The following SPEF2 variants were observed in gnomAD, a reference collection of about 807,000 sequenced individuals.
SPEF2 encodes the protein sperm flagellar and cilia associated 2, also known as sperm flagella and cilia-associated protein 2.
In SPEF2, 187 loss-of-function variants were observed where a neutral mutation model predicts 224.6. That is an observed-to-expected ratio of 0.83 (90% CI 0.74 to 0.94). The LOEUF (loss-of-function observed/expected upper bound fraction) is 0.94, where lower values mean the gene tolerates loss of function less well. Among genes scored for constraint, SPEF2 ranks in the 40% least tolerant of loss-of-function variants. The probability of loss-of-function intolerance (pLI) is 0.00; values close to 1 mark genes in which losing one functional copy is unlikely to be tolerated. For missense variants in SPEF2, 2,170 were observed against 2,135.6 expected (o/e 1.02, Z -0.32); for synonymous variants, 715 against 707.3 (o/e 1.01, Z -0.17).
chr5:35,711,584 T>TCCCTCC (rs1234657171), intron 19 of SPEF2, among the ~76,000 whole-genome samples: 2 of 138,596 alleles, frequency 1.4e-5, no homozygotes, highest in Non-Finnish European at 3.1e-5. Flanking sequence ...TCCCTCCCTC[T>TCCCTCC]CTCCCTTCTT....
At chr5:35,655,225 C>A (rs1189280817) in intron 7 of SPEF2, among the ~76,000 whole-genome samples, 6 of 152,164 alleles carry the variant, frequency 3.9e-5, no homozygotes, top group Non-Finnish European at 2.9e-5. Flanking sequence ...TATTGGGCCC[C>A]ACCCCAGACC....
intron 30 of SPEF2, chr5:35,790,981 T>G (rs1489703907): frequency 6.6e-6 from 1 of 152,214 alleles, no homozygotes; most frequent in Admixed American, 6.5e-5. Flanking sequence ...TTATAACACT[T>G]TGTTTTGCCC....
intron 26 of SPEF2, among the ~76,000 whole-genome samples, chr5:35,764,391 T>C (rs372504880): frequency 2.6e-5 from 4 of 151,900 alleles, no homozygotes; most frequent in Non-Finnish European, 5.9e-5. Context: ...CCTAGGTCTA[T>C]ATGACTTCAA....
intron 33 of SPEF2, among the ~76,000 whole-genome samples, 198 bp from the exon 34 acceptor site, chr5:35,799,770 A>G (rs909666192): frequency 3.9e-5 from 6 of 152,074 alleles, no homozygotes; most frequent in African/African-American, 1.4e-4. Flanking sequence ...TTCTTTTACA[A>G]TATTTCAGGG....
At position 35,641,877 on chromosome 5, in the gene SPEF2, C is replaced by A. The variant is rs959058255; in HGVS notation, c.414+194C>A. 13 of 515,054 alleles carry A rather than the reference C, an allele frequency of 2.5e-5. 1 individual carries two copies. Among genetic ancestry groups the A allele is most frequent in the Middle Eastern group, 5.2e-4 (1 of 1,914 alleles). The allele number at this position is 515,054 out of a possible 1,614,324, so 31.9% of individuals were successfully genotyped here. Reference sequence around the variant, plus strand: ...GCCATTTTTGATGTCTCTCTCTATCCTATCCATATTGCCAATAGCTTATCA... The same window carrying A: ...GCCATTTTTGATGTCTCTCTCTATCATATCCATATTGCCAATAGCTTATCA... On this transcript the variant is annotated intron_variant, in intron 3 of 36. Coordinates refer to ENST00000356031, the MANE Select transcript of SPEF2 (RefSeq NM_024867.4).
intron 20 of SPEF2, among the ~76,000 whole-genome samples, chr5:35,724,998 G>A (rs116456265): frequency 0.014 from 2,102 of 152,216 alleles, 43 homozygotes; most frequent in African/African-American, 0.049. Flanking sequence ...CCAGCTCTAC[G>A]CAGAGTAACA....
intron 12 of SPEF2, 133 bp downstream of exon 12, chr5:35,692,857 A>T (rs1561207053): frequency 2.9e-6 from 2 of 696,188 alleles, no homozygotes; most frequent in Non-Finnish European, 4.3e-6. Flanking sequence ...TAGGTTCTGC[A>T]AAAGTCTAGA....
At chr5:35,808,887 TA>T (rs988258798) in intron 36 of SPEF2, among the ~76,000 whole-genome samples, 1 of 149,882 alleles carries the variant, frequency 6.7e-6, no homozygotes, top group African/African-American at 2.4e-5. Context: ...TTTACATATA[TA>T]TATATATATA....
intron 10 of SPEF2, among the ~76,000 whole-genome samples, chr5:35,678,169 A>G (rs1044650570): frequency 2.6e-5 from 4 of 152,362 alleles, no homozygotes; most frequent in African/African-American, 9.6e-5. Context: ...TTTTCGTACC[A>G]TTAGATTAGG....
At chr5:35,737,647 T>C (rs975367935) in intron 21 of SPEF2, among the ~76,000 whole-genome samples, 2 of 152,198 alleles carry the variant, frequency 1.3e-5, no homozygotes, top group Non-Finnish European at 2.9e-5. Context: ...AAGTCTTTGC[T>C]ATTGTGAATA....
At position 35,693,165 on chromosome 5, in the gene SPEF2, T is replaced by C. The variant is rs79096006; in HGVS notation, c.1899+441T>C. 9.0e-3 allele frequency among the ~76,000 whole-genome samples: 1,369 copies of C among 152,284 alleles called. 17 individuals carry two copies. Among genetic ancestry groups the C allele is most frequent in the African/African-American group, 0.032 (1,332 of 41,552 alleles). On this transcript the variant is annotated intron_variant, in intron 12 of 36. Coordinates refer to ENST00000356031, the MANE Select transcript of SPEF2 (RefSeq NM_024867.4). ...CTCAAGAAGCCACCAACTCCTGGAC[T>C]GAGATCCTCCCACTCAGCTTCTGGC... is the stretch of plus-strand genomic sequence containing the variant.
intron 26 of SPEF2, among the ~76,000 whole-genome samples, chr5:35,766,492 A>C (rs560616873): frequency 3.3e-5 from 5 of 152,016 alleles, no homozygotes; most frequent in Non-Finnish European, 7.4e-5. Context: ...TGCAGTGTCT[A>C]TGTGACGTCC....
intron 23 of SPEF2, among the ~76,000 whole-genome samples, chr5:35,752,726 C>G (rs1749850719): frequency 1.1e-3 from 1 of 930 alleles, no homozygotes; most frequent in Non-Finnish European, 2.4e-3. Context: ...GGCTCCACCA[C>G]TTAATCTTTC....
intron 36 of SPEF2, among the ~76,000 whole-genome samples, chr5:35,808,754 T>G (rs1323897782): frequency 6.8e-6 from 1 of 147,238 alleles, no homozygotes; most frequent in African/African-American, 2.5e-5. Flanking sequence ...ACATATATAT[T>G]TATATGTATA....
chr5:35,804,056 T>C (rs1757770261), intron 34 of SPEF2, among the ~76,000 whole-genome samples: 1 of 145,164 alleles, frequency 6.9e-6, no homozygotes, highest in South Asian at 2.2e-4. Context: ...ATCTCTCACA[T>C]TGCAAAAGTC....
intron 20 of SPEF2, among the ~76,000 whole-genome samples, chr5:35,721,265 C>A (rs1479731101): frequency 6.6e-6 from 1 of 152,188 alleles, no homozygotes; most frequent in African/African-American, 2.4e-5. Flanking sequence ...GTTTACATTT[C>A]CATGCCTTCT....
At chr5:35,788,443 A>T (rs1179523384) in intron 30 of SPEF2, 1 of 702,660 alleles carries the variant, frequency 1.4e-6, no homozygotes, top group Admixed American at 2.0e-5. Context: ...AAAAAAGTAA[A>T]TTTTTCTCTG....
chr5:35,807,872 A>C, intron 36 of SPEF2: 2 of 1,480,392 alleles, frequency 1.4e-6, no homozygotes, highest in Admixed American at 4.4e-5. Context: ...CTTTAACAGC[A>C]GGGACTAAGG....
rs543925534 is a variant in SPEF2 at position 35,771,459 on chromosome 5, G to A, written c.3802-150G>A. ...CCAGGTTTCCACTTAAGTAAAACAT[G>A]GTGGGGTGTGTTTTGTAAAGTTCGA... On this transcript the variant is annotated intron_variant, in intron 26 of 36. Transcript: ENST00000356031. 2.1e-5 allele frequency: 20 copies of A among 963,972 alleles called. 1 individual carries two copies. In the South Asian group the frequency reaches 3.9e-4, roughly 19 times the overall value. The allele number at this position is 963,972 out of a possible 1,614,324, so 59.7% of individuals were successfully genotyped here. A position where few individuals can be genotyped will look rare whatever the true frequency, so the allele number is the denominator to read the frequency against.
Sources: allele counts gnomAD v4.1 joint callset (sites outside exome capture counted in the v4.1 genomes callset), GRCh38; gene constraint gnomAD v4.1.1; transcripts MANE v1.5; gene names NCBI Gene and HGNC (gene_info 2026-07-23, HGNC 2026-07-21).